Variants in PLPPR4 observed in about 807,000 individuals in gnomAD.
The protein encoded by PLPPR4 is phospholipid phosphatase related 4, also known as phospholipid phosphatase-related protein type 4.
PLPPR4 carries 24 observed loss-of-function variants against 56.6 expected under a neutral mutation model. The observed-to-expected ratio is 0.42, with a 90% CI of 0.31 to 0.60. PLPPR4 has a LOEUF of 0.60. Ranked by LOEUF, PLPPR4 falls within the 20% of genes least tolerant of loss-of-function variation. PLPPR4 has a pLI of 0.13. For missense variants in PLPPR4, 654 were observed against 885.8 expected, an observed-to-expected ratio of 0.74 and a Z score of 3.32; for synonymous variants, 326 against 328.1, an observed-to-expected ratio of 0.99 and a Z score of 0.07.
chr1:99,294,713 A>AG (rs1659700843), intron 2 of PLPPR4, among the ~76,000 whole-genome samples: 1 of 151,074 alleles, frequency 6.6e-6, no homozygotes, highest in South Asian at 2.1e-4. Context: ...AAAAAAAAAA[A>AG]CTCCTGAAAT....
intron 1 of PLPPR4, among the ~76,000 whole-genome samples, chr1:99,279,749 A>G (rs1290794659): frequency 6.6e-6 from 1 of 152,202 alleles, no homozygotes; most frequent in East Asian, 1.9e-4. Context: ...CCAGGTTTCA[A>G]TTACTGGCCT....
At chr1:99,282,074 C>T (rs1659343073) in intron 1 of PLPPR4, among the ~76,000 whole-genome samples, 1 of 152,118 alleles carries the variant, frequency 6.6e-6, no homozygotes, top group Non-Finnish European at 1.5e-5. Flanking sequence ...CTTGGACTCT[C>T]CTGTTAGCTC....
At chr1:99,293,861 G>C (rs1389637694) in intron 2 of PLPPR4, among the ~76,000 whole-genome samples, 2 of 152,072 alleles carry the variant, frequency 1.3e-5, no homozygotes, top group African/African-American at 4.8e-5. Context: ...ATAGTACTAA[G>C]AAATATATTT....
chr1:99,281,762 T>C (rs573749766), intron 1 of PLPPR4, among the ~76,000 whole-genome samples: 1 of 152,306 alleles, frequency 6.6e-6, no homozygotes, highest in African/African-American at 2.4e-5. Context: ...TTCAATGTAT[T>C]CTGTTATTGT....
chr1:99,294,326 A>G (rs1326810202), intron 2 of PLPPR4, among the ~76,000 whole-genome samples: 1 of 152,212 alleles, frequency 6.6e-6, no homozygotes, highest in African/African-American at 2.4e-5. Context: ...ACCTCTATCC[A>G]TATTACATGG....
intron 1 of PLPPR4, among the ~76,000 whole-genome samples, chr1:99,283,550 C>A (rs1659383537): frequency 6.6e-6 from 1 of 152,168 alleles, no homozygotes; most frequent in Admixed American, 6.5e-5. Flanking sequence ...AATTTTTCTT[C>A]TGGTTCCTCA....
At chr1:99,284,550 G>A (rs2100795436) in intron 1 of PLPPR4, among the ~76,000 whole-genome samples, 1 of 151,700 alleles carries the variant, frequency 6.6e-6, no homozygotes, top group South Asian at 2.1e-4. Context: ...CAAAGTGCTG[G>A]GATTACAGGT....
chr1:99,273,714 CA>C (rs568237956), intron 1 of PLPPR4, among the ~76,000 whole-genome samples: 1 of 151,976 alleles, frequency 6.6e-6, no homozygotes, highest in Non-Finnish European at 1.5e-5. Flanking sequence ...GTAATAGAAA[CA>C]AAATGGAATC....
intron 2 of PLPPR4, among the ~76,000 whole-genome samples, chr1:99,292,635 C>CAGCAAT (rs1659651355): frequency 3.9e-5 from 6 of 152,176 alleles, no homozygotes; most frequent in Admixed American, 3.9e-4. Flanking sequence ...TCCAAGATGA[C>CAGCAAT]AGCAATTCTT....
rs1241280535 is a variant in PLPPR4, at chr1:99,301,053, A to G, written c.648+87A>G. The G allele has an allele frequency of 1.7e-6, 2 of 1,149,534 alleles. No individual in the cohort carries two copies. The highest frequency in any genetic ancestry group is 2.4e-5 in the East Asian group (1 of 42,222). 71.2% of individuals were successfully genotyped at this position (1,149,534 alleles called of 1,614,324 possible). A position where few individuals can be genotyped will look rare whatever the true frequency, so the allele number is the denominator to read the frequency against. ...GTCTCCAGGTGACTAATTGGATGAT[A>G]TAACCATGTAATAACAGAATGGTAA... On this transcript the variant is annotated intron_variant, in intron 5 of 6. Transcript: ENST00000370185.
intron 2 of PLPPR4, among the ~76,000 whole-genome samples, chr1:99,292,536 T>C (rs990971740): frequency 6.6e-6 from 1 of 152,200 alleles, no homozygotes; most frequent in African/African-American, 2.4e-5. Context: ...CCTCCATAGC[T>C]GCTGCATGCC....
At chr1:99,266,648 A>G (rs1658907374) in intron 1 of PLPPR4, among the ~76,000 whole-genome samples, 1 of 152,216 alleles carries the variant, frequency 6.6e-6, no homozygotes, top group Non-Finnish European at 1.5e-5. Context: ...CTGTAGAACA[A>G]TTACTTGAAC....
intron 1 of PLPPR4, among the ~76,000 whole-genome samples, chr1:99,284,534 C>T (rs1016256311): frequency 8.6e-5 from 13 of 151,868 alleles, no homozygotes; most frequent in African/African-American, 3.1e-4. Context: ...TGATCCGCCT[C>T]TCTCCCAAAG....
intron 2 of PLPPR4, among the ~76,000 whole-genome samples, chr1:99,291,594 C>T (rs1307868205): frequency 6.6e-6 from 1 of 152,064 alleles, no homozygotes; most frequent in Non-Finnish European, 1.5e-5. Flanking sequence ...ACTATGCAGC[C>T]ATAAAAAAAT....
chr1:99,277,897 T>C (rs962417073), intron 1 of PLPPR4, among the ~76,000 whole-genome samples: 1 of 152,116 alleles, frequency 6.6e-6, no homozygotes, highest in African/African-American at 2.4e-5. Context: ...TTATGTCACA[T>C]TTGCCTGACA....
intron 1 of PLPPR4, among the ~76,000 whole-genome samples, chr1:99,284,032 A>G (rs1233148706): frequency 1.3e-5 from 2 of 152,160 alleles, no homozygotes; most frequent in Non-Finnish European, 2.9e-5. Context: ...TAAAATTTGT[A>G]GTTCTTGGCT....
At chr1:99,292,979 C>T (rs1191674552) in intron 2 of PLPPR4, among the ~76,000 whole-genome samples, 2 of 152,110 alleles carry the variant, frequency 1.3e-5, no homozygotes, top group Non-Finnish European at 2.9e-5. Context: ...TTCAAGGATG[C>T]CAGTTTCTTT....
chr1:99,301,900 A>G lies in PLPPR4; in HGVS notation c.822+3A>G. On this transcript the variant is annotated splice_donor_region_variant and intron_variant, in intron 6 of 6. Transcript: ENST00000370185. ...GAGGAGGAATTGCACTGTACTTGGTAAATAAGTTACTATTATCTTATAAGC... is the reference window on the plus strand; with the variant it reads ...GAGGAGGAATTGCACTGTACTTGGTGAATAAGTTACTATTATCTTATAAGC... 1 of 1,585,452 alleles carries G rather than the reference A, an allele frequency of 6.3e-7. No homozygotes were observed. Among genetic ancestry groups the G allele is most frequent in the Non-Finnish European group, 8.6e-7 (1 of 1,163,916 alleles).
At chr1:99,281,755 A>T (rs1028184709) in intron 1 of PLPPR4, among the ~76,000 whole-genome samples, 1 of 152,070 alleles carries the variant, frequency 6.6e-6, no homozygotes, top group Non-Finnish European at 1.5e-5. Flanking sequence ...ATTGAATTTC[A>T]ATGTATTCTG....
Sources: allele counts gnomAD v4.1 joint callset (sites outside exome capture counted in the v4.1 genomes callset), GRCh38; gene constraint gnomAD v4.1.1; transcripts MANE v1.5; gene names NCBI Gene and HGNC (gene_info 2026-07-23, HGNC 2026-07-21).